R3HCC1L: variants seen among roughly 807,000 people sequenced by gnomAD.
R3HCC1L encodes the protein R3H domain and coiled-coil containing 1 like, also known as coiled-coil domain-containing protein R3HCC1L.
R3HCC1L carries 51 observed loss-of-function variants against 59.9 expected under a neutral mutation model. That is an observed-to-expected ratio of 0.85 (90% CI 0.68 to 1.07). R3HCC1L has a LOEUF of 1.07. Among genes scored for constraint, R3HCC1L ranks in the 50% least tolerant of loss-of-function variants. The pLI is 0.00. For missense variants in R3HCC1L, 965 were observed against 933.0 expected (o/e 1.03, Z -0.45); for synonymous variants, 322 against 315.2 (o/e 1.02, Z -0.23).
intron 4 of R3HCC1L, among the ~76,000 whole-genome samples, chr10:98,176,567 A>G (rs1330956704): frequency 6.6e-6 from 1 of 152,140 alleles, no homozygotes; most frequent in Non-Finnish European, 1.5e-5. Context: ...GTATCCTCAT[A>G]ACCTTGCTAA....
chr10:98,221,376 T>G lies in R3HCC1L; in HGVS notation c.1786-10136T>G, dbSNP rs867786810. ...TTTCTTTTGCTGTGCAGAAGCTCTT[T>G]AGTTTAATTAGATCCCATTTGTCAA... On this transcript the variant is annotated intron_variant, in intron 5 of 9. Coordinates refer to ENST00000298999, the MANE Select transcript of R3HCC1L (RefSeq NM_001351015.2). 3.8e-3 allele frequency among the ~76,000 whole-genome samples: 568 copies of G among 148,692 alleles called. 4 individuals are homozygous for G. Among genetic ancestry groups the G allele is most frequent in the South Asian group, 0.034 (158 of 4,580 alleles).
intron 1 of R3HCC1L, among the ~76,000 whole-genome samples, chr10:98,152,346 T>C (rs7920201): frequency 0.67 from 101,718 of 150,876 alleles, 34,530 homozygotes; most frequent in African/African-American, 0.76. Context: ...CCCAAAGTGC[T>C]GAGATTGCAG....
chr10:98,237,409 A>G (rs1477341557), intron 9 of R3HCC1L, among the ~76,000 whole-genome samples: 2 of 152,176 alleles, frequency 1.3e-5, no homozygotes, highest in Non-Finnish European at 2.9e-5. Context: ...TTGCCATGTT[A>G]TCATGCTTCT....
At chr10:98,138,464 T>C (rs1844806396) in intron 1 of R3HCC1L, among the ~76,000 whole-genome samples, 1 of 152,096 alleles carries the variant, frequency 6.6e-6, no homozygotes, top group Non-Finnish European at 1.5e-5. Context: ...TCCTCTGAGG[T>C]AGGCTCATTT....
chr10:98,192,294 A>G (rs1371781128), intron 4 of R3HCC1L, among the ~76,000 whole-genome samples: 1 of 152,178 alleles, frequency 6.6e-6, no homozygotes, highest in African/African-American at 2.4e-5. Context: ...TGGAAATAAT[A>G]TAGAGCAGAA....
intron 9 of R3HCC1L, among the ~76,000 whole-genome samples, chr10:98,238,238 A>G (rs1857167462): frequency 6.6e-6 from 1 of 152,148 alleles, no homozygotes; most frequent in Non-Finnish European, 1.5e-5. Context: ...AAATTCCTGT[A>G]ATCATCTGTT....
intron 1 of R3HCC1L, among the ~76,000 whole-genome samples, chr10:98,142,706 G>T (rs1474154769): frequency 6.6e-6 from 1 of 151,914 alleles, no homozygotes; most frequent in African/African-American, 2.4e-5. Flanking sequence ...AGGCTGAGGC[G>T]GGCAGATAAC....
chr10:98,140,521 C>T (rs558262830), intron 1 of R3HCC1L, among the ~76,000 whole-genome samples: 76 of 152,120 alleles, frequency 5.0e-4, no homozygotes, highest in Non-Finnish European at 1.8e-4. Context: ...AGTTAGAAAG[C>T]AGGGTAATCA....
rs746975266 is a variant in R3HCC1L, at chr10:98,208,328, A to C, written c.214A>C (p.Asn72His). Residue 72 changes from asparagine to histidine, a missense_variant, in exon 5 of 10, where the codon AAT becomes CAT. Transcript: ENST00000298999. ...FKDKPEARRL[N>H]INPDRKEHNC... ...AGACAAACCGGAGGCTCGAAGACTA[A>C]ATATCAATCCTGATAGAAAGGAGCA... is the stretch of plus-strand genomic sequence containing the variant. The C allele has an allele frequency of 6.2e-6, 10 of 1,614,080 alleles. No individual in the cohort carries two copies. The South Asian group carries it at 8.8e-5, about 14-fold the overall frequency.
intron 4 of R3HCC1L, among the ~76,000 whole-genome samples, chr10:98,176,870 T>G (rs183299803): frequency 9.4e-4 from 143 of 152,206 alleles, no homozygotes; most frequent in Admixed American, 1.6e-3. Context: ...TAGATAACAT[T>G]TATCAGGATG....
At chr10:98,187,476 A>G (rs1169716383) in intron 4 of R3HCC1L, among the ~76,000 whole-genome samples, 1 of 152,108 alleles carries the variant, frequency 6.6e-6, no homozygotes, top group Non-Finnish European at 1.5e-5. Flanking sequence ...CCATCTGTAA[A>G]AAGGGCTAGT....
chr10:98,227,339 C>T (rs1181151864), intron 5 of R3HCC1L, among the ~76,000 whole-genome samples: 1 of 152,158 alleles, frequency 6.6e-6, no homozygotes, highest in Admixed American at 6.5e-5. Context: ...ATCCAAATCA[C>T]CTTCCTCCTT....
Position 98,234,468 on chromosome 10 carries a change from T to C in R3HCC1L, c.1984T>C (p.Trp662Arg), listed in dbSNP as rs1280691979. The stretch of plus-strand genomic sequence containing the variant: ...CAGAAAGAAAGGATTTGATATTAAA[T>C]GGGTGGATGATACACATGCCCTAGG... ...SYQKKGFDIK[W>R]VDDTHALGVF... Residue 662 changes from tryptophan to arginine, a missense_variant, in exon 7 of 10, where the codon TGG becomes CGG. By Grantham distance (101) the Trp-to-Arg change is moderately radical. Transcript: ENST00000298999. The C allele has an allele frequency of 6.2e-7, 1 of 1,613,340 alleles. No individual in the cohort carries two copies. The highest frequency in any genetic ancestry group is 8.5e-7 in the Non-Finnish European group (1 of 1,179,726).
At chr10:98,154,669 G>C (rs1041671291) in intron 1 of R3HCC1L, among the ~76,000 whole-genome samples, 13 of 152,140 alleles carry the variant, frequency 8.5e-5, no homozygotes, top group African/African-American at 3.1e-4. Context: ...GTGCCTGGCC[G>C]TTCAAATAAA....
chr10:98,211,396 G>T (rs1287648326), intron 5 of R3HCC1L: 8 of 1,498,080 alleles, frequency 5.3e-6, no homozygotes, highest in South Asian at 2.6e-5. Flanking sequence ...AACTGCAAAT[G>T]ACTGTCAGCC....
At chr10:98,156,823 A>C (rs559741192) in intron 2 of R3HCC1L, among the ~76,000 whole-genome samples, 2 of 152,362 alleles carry the variant, frequency 1.3e-5, no homozygotes, top group South Asian at 4.1e-4. Context: ...TTGTTTTTAC[A>C]ATCGAATGGG....
At chr10:98,146,388 T>C (rs542733681) in intron 1 of R3HCC1L, among the ~76,000 whole-genome samples, 1 of 152,238 alleles carries the variant, frequency 6.6e-6, no homozygotes, top group Non-Finnish European at 1.5e-5. Flanking sequence ...ATCCTACTGA[T>C]CTATCAAACA....
intron 4 of R3HCC1L, among the ~76,000 whole-genome samples, chr10:98,205,920 T>A (rs918977614): frequency 1.3e-5 from 2 of 152,184 alleles, no homozygotes; most frequent in African/African-American, 4.8e-5. Context: ...GCTCATTTCC[T>A]GGTAATAACA....
Position 98,244,382 on chromosome 10 carries a change from C to T in R3HCC1L, c.*224C>T. On this transcript the variant is annotated 3_prime_UTR_variant, in exon 10 of 10. Transcript: ENST00000298999. The stretch of plus-strand genomic sequence containing the variant: ...CTACTGTGGTGGGCGTAGTAGGGAG[C>T]CATCAGCTAGGAAGAAACGTGGGAG... 2.5e-6 allele frequency: 1 copy of T among 408,012 alleles called. No homozygotes were observed. The highest frequency in any genetic ancestry group is 4.5e-6 in the Non-Finnish European group (1 of 222,948). The allele number at this position is 408,012 out of a possible 1,614,324, so 25.3% of individuals were successfully genotyped here.
Sources: gnomAD v4.1 joint callset for allele counts (sites outside exome capture counted in the v4.1 genomes callset) on GRCh38, gnomAD v4.1.1 for gene constraint, MANE v1.5 for transcripts, NCBI Gene and HGNC (gene_info 2026-07-23, HGNC 2026-07-21) for gene names.